The following KIAA1549 variants were observed in gnomAD, a reference collection of about 807,000 sequenced individuals.
The protein encoded by KIAA1549 is KIAA1549.
KIAA1549 carries 70 observed loss-of-function variants against 156.4 expected under a neutral mutation model. That is an observed-to-expected ratio of 0.45 (90% confidence interval 0.37 to 0.55). The LOEUF is 0.55. KIAA1549 is among the 20% of genes least tolerant of loss of function. The pLI, the probability that KIAA1549 is intolerant of heterozygous loss-of-function variation, is 0.00. For missense variants in KIAA1549, 2,428 were observed against 2,540.9 expected (o/e 0.96, Z 0.96); for synonymous variants, 1,103 against 1,066.4 (o/e 1.03, Z -0.67).
Position 138,840,161 on chromosome 7 carries a change from C to T in KIAA1549, c.5570G>A (p.Gly1857Glu). The change falls in exon 19 of 20, where the codon GGG becomes GAG. Residue 1857 changes from glycine to glutamate, a missense_variant. Around this residue, in one of 5 missense-constraint regions of KIAA1549, gnomAD observed 363 missense variants for 354.0 expected, o/e 1.03. Transcript: ENST00000422774. ...QYGGPGWPSY[G>E]EDEAGRREAT... ...CTCTCTTCGCCCCGCTTCGTCCTCC[C>T]CGTACGAAGGCCAGCCTGGCCCCCC... 1 of 1,554,730 alleles carries T rather than the reference C, an allele frequency of 6.4e-7. No individual in the cohort carries two copies. The highest frequency in any genetic ancestry group is 8.7e-7 in the Non-Finnish European group (1 of 1,148,634).
rs148602095 is a variant in KIAA1549 at position 138,901,664 on chromosome 7, T to C, written c.3669+1924A>G. On this transcript the variant is annotated intron_variant, in intron 8 of 19. Coordinates refer to ENST00000422774, the MANE Select transcript of KIAA1549 (RefSeq NM_001164665.2). ...TCTATACCACTCACTAATTTTTTTT[T>C]AAATGACTGCATAAAATTCCAACAC... 4.9e-3 allele frequency among the ~76,000 whole-genome samples: 747 copies of C among 152,322 alleles called. 11 individuals are homozygous for C. Among genetic ancestry groups the C allele is most frequent in the African/African-American group, 0.017 (704 of 41,562 alleles).
At position 138,917,244 on chromosome 7, in the gene KIAA1549, G is replaced by A. The variant is rs368858886; in HGVS notation, c.2382C>T (p.His794=). ...AAGACTCAGTTAAAATGGGCGTTGT[G>A]TGGACAGTGGTCAATGGTGATGTTG... is the stretch of plus-strand genomic sequence containing the variant. ...IQATSPLTTV[H]TTPILTESSL... Residue 794 remains histidine (H), a synonymous_variant, in exon 2 of 20, where the codon CAC becomes CAT. Transcript: ENST00000422774. The A allele has an allele frequency of 4.3e-5, 70 of 1,613,934 alleles. 1 individual carries two copies. The African/African-American group carries it at 9.2e-4, about 21-fold the overall frequency.
At chr7:138,867,637 C>T (rs1431370607) in intron 15 of KIAA1549, among the ~76,000 whole-genome samples, 1 of 151,306 alleles carries the variant, frequency 6.6e-6, no homozygotes, top group East Asian at 1.9e-4. Context: ...GAGGATATTT[C>T]TCTCTCTCTC....
chr7:138,969,656 G>A (rs1266814172), intron 1 of KIAA1549, among the ~76,000 whole-genome samples: 5 of 152,128 alleles, frequency 3.3e-5, no homozygotes, highest in Admixed American at 2.6e-4. Flanking sequence ...GCAGTGATGC[G>A]ATCTCAGCTT....
At chr7:138,897,273 C>G (rs1563067569) in intron 9 of KIAA1549, among the ~76,000 whole-genome samples, 1 of 152,148 alleles carries the variant, frequency 6.6e-6, no homozygotes, top group Non-Finnish European at 1.5e-5. Context: ...GTGATCATAT[C>G]TCACATACAC....
Position 138,894,470 on chromosome 7 carries a change from T to C in KIAA1549, c.3904A>G (p.Ile1302Val), listed in dbSNP as rs566560350. The C allele has an allele frequency of 7.4e-6, 12 of 1,614,046 alleles. No individual in the cohort carries two copies. The highest frequency in any genetic ancestry group is 1.3e-5 in the African/African-American group (1 of 75,056). The change falls in exon 10 of 20, where the codon ATT (isoleucine) becomes GTT (valine). Residue 1302 changes from isoleucine to valine, a missense_variant. Physicochemically the swap from Ile to Val is conservative, Grantham distance 29. Transcript: ENST00000422774. ...AGCACTGGGATGACCACGCCAACAA[T>C]GACCCACAAGTTGTTGCTCTGGGAT... The part of the protein sequence containing the change: ...PESQSNNLWV[I>V]VGVVIPVLVV...
intron 1 of KIAA1549, among the ~76,000 whole-genome samples, chr7:138,947,991 G>A (rs182537201): frequency 5.3e-5 from 8 of 152,108 alleles, no homozygotes; most frequent in Non-Finnish European, 1.2e-4. Flanking sequence ...TCAAACTCCT[G>A]GACTCAAGCA....
At chr7:138,928,588 A>C (rs930725600) in intron 1 of KIAA1549, among the ~76,000 whole-genome samples, 1 of 152,236 alleles carries the variant, frequency 6.6e-6, no homozygotes, top group African/African-American at 2.4e-5. Context: ...TGCCCAGCCT[A>C]AAGGCATTCT....
At chr7:138,860,276 C>A (rs955553444) in intron 16 of KIAA1549, among the ~76,000 whole-genome samples, 3 of 152,204 alleles carry the variant, frequency 2.0e-5, no homozygotes, top group Non-Finnish European at 4.4e-5. Context: ...ATACTGGAGG[C>A]TCTCGGCCTC....
chr7:138,840,188 T>C lies in KIAA1549; in HGVS notation c.5543A>G (p.Tyr1848Cys). 3 of 1,565,080 alleles carry C rather than the reference T, an allele frequency of 1.9e-6. No individual in the cohort carries two copies. Among genetic ancestry groups the C allele is most frequent in the South Asian group, 2.4e-5 (2 of 84,822 alleles). ...VEIPPSRGSQ[Y>C]GGPGWPSYGE... ...GTACGAAGGCCAGCCTGGCCCCCCATACTGGCTGCCTCTGCTTGGCGGGAT... is the reference window on the plus strand; with the variant it reads ...GTACGAAGGCCAGCCTGGCCCCCCACACTGGCTGCCTCTGCTTGGCGGGAT... Residue 1848 changes from tyrosine (Y) to cysteine (C), a missense_variant, in exon 19 of 20, where the codon TAT (tyrosine) becomes TGT (cysteine). Tyr to Cys is a radical substitution (Grantham distance 194). Coordinates refer to ENST00000422774, the MANE Select transcript of KIAA1549 (RefSeq NM_001164665.2).
chr7:138,919,617 G>T, intron 1 of KIAA1549, 179 bp from the exon 2 acceptor site: 1 of 1,089,452 alleles, frequency 9.2e-7, no homozygotes, highest in Non-Finnish European at 1.3e-6. Context: ...ATTACCATCA[G>T]GACAATATCT....
intron 15 of KIAA1549, among the ~76,000 whole-genome samples, chr7:138,867,615 G>GA (rs1584715605): frequency 6.6e-6 from 1 of 151,892 alleles, no homozygotes; most frequent in Non-Finnish European, 1.5e-5. Context: ...TAGGGAGAAG[G>GA]AAAAAAACCT....
chr7:138,875,240 C>T (rs1811047894), intron 12 of KIAA1549, among the ~76,000 whole-genome samples: 2 of 152,066 alleles, frequency 1.3e-5, no homozygotes, highest in African/African-American at 4.8e-5. Flanking sequence ...TAAATATTTG[C>T]AAGTATTATG....
chr7:138,892,407 C>T (rs572626671), intron 10 of KIAA1549, among the ~76,000 whole-genome samples: 12 of 152,360 alleles, frequency 7.9e-5, no homozygotes, highest in African/African-American at 2.9e-4. Context: ...TTAACTCCCT[C>T]TGTAACAACA....
At chr7:138,869,923 C>T (rs779947760) in intron 13 of KIAA1549, among the ~76,000 whole-genome samples, 162 bp from the exon 14 acceptor site, 2 of 152,132 alleles carry the variant, frequency 1.3e-5, no homozygotes, top group Non-Finnish European at 2.9e-5. Flanking sequence ...GATCTCAGCT[C>T]GCTGCAACCT....
chr7:138,891,954 C>T (rs796239070), intron 10 of KIAA1549, among the ~76,000 whole-genome samples: 4 of 152,198 alleles, frequency 2.6e-5, no homozygotes, highest in African/African-American at 9.6e-5. Context: ...TTTAAACACA[C>T]GACAAAATCT....
chr7:138,931,291 G>A (rs907801319), intron 1 of KIAA1549, among the ~76,000 whole-genome samples: 3 of 152,152 alleles, frequency 2.0e-5, no homozygotes, highest in Non-Finnish European at 4.4e-5. Flanking sequence ...ACCTAAGGAG[G>A]GCTACCATGA....
intron 18 of KIAA1549, among the ~76,000 whole-genome samples, chr7:138,843,102 A>G (rs893965797): frequency 6.6e-6 from 1 of 152,186 alleles, no homozygotes; most frequent in Admixed American, 6.5e-5. Context: ...ATGGCAGCTA[A>G]TATTTATTGA....
intron 8 of KIAA1549, among the ~76,000 whole-genome samples, chr7:138,899,865 A>C (rs1348598985): frequency 3.3e-5 from 5 of 152,206 alleles, no homozygotes; most frequent in Non-Finnish European, 7.3e-5. Flanking sequence ...TCTGGTGTTA[A>C]AAGACAGTTT....
Sources: allele counts gnomAD v4.1 joint callset (sites outside exome capture counted in the v4.1 genomes callset), GRCh38; gene constraint gnomAD v4.1.1; regional missense constraint gnomAD v4.1.1; transcripts MANE v1.5; gene names NCBI Gene and HGNC (gene_info 2026-07-23, HGNC 2026-07-21).